GRIK1: variants seen among roughly 807,000 people sequenced by gnomAD.
The protein encoded by GRIK1 is glutamate receptor ionotropic, kainate 1.
Under a neutral mutation model 105.7 loss-of-function variants are expected in GRIK1, and 69 were observed. The observed-to-expected ratio is 0.65, with a 90% CI of 0.54 to 0.80. The LOEUF is 0.80. Ranked by LOEUF, GRIK1 falls within the 30% of genes least tolerant of loss-of-function variation. GRIK1 has a pLI of 0.00. For missense variants in GRIK1, 1,109 were observed against 1,167.3 expected (o/e 0.95, Z 0.73); for synonymous variants, 438 against 431.3 (o/e 1.02, Z -0.19).
At chr21:29,825,349 A>G (rs1458619014) in intron 1 of GRIK1, among the ~76,000 whole-genome samples, 1 of 152,196 alleles carries the variant, frequency 6.6e-6, no homozygotes, top group Non-Finnish European at 1.5e-5. Flanking sequence ...GAAGTTAGTG[A>G]TGATGTAAAG....
At chr21:29,636,324 T>A (rs1358992456) in intron 7 of GRIK1, among the ~76,000 whole-genome samples, 2 of 152,206 alleles carry the variant, frequency 1.3e-5, no homozygotes, top group Non-Finnish European at 2.9e-5. Flanking sequence ...TGTCATTACC[T>A]TAAGTCAACA....
chr21:29,548,384 A>T (rs2090079139), intron 16 of GRIK1, among the ~76,000 whole-genome samples: 1 of 152,266 alleles, frequency 6.6e-6, no homozygotes, highest in Admixed American at 6.5e-5. Flanking sequence ...AGAAAAAGCA[A>T]AAATGATTTT....
chr21:29,939,343 C>G (rs968310429), intron 1 of GRIK1, 40 bp downstream of exon 1: 5 of 1,213,558 alleles, frequency 4.1e-6, no homozygotes, highest in African/African-American at 1.5e-5. Flanking sequence ...GTGCGGCGAC[C>G]GACCACGTCT....
intron 3 of GRIK1, among the ~76,000 whole-genome samples, chr21:29,678,527 T>C (rs2063315542): frequency 6.6e-6 from 1 of 152,178 alleles, no homozygotes; most frequent in Non-Finnish European, 1.5e-5. Context: ...AAAAAGAATA[T>C]GCCTGGCCTG....
chr21:29,691,535 T>G (rs1002936067), intron 2 of GRIK1, among the ~76,000 whole-genome samples: 4 of 152,202 alleles, frequency 2.6e-5, no homozygotes, highest in Non-Finnish European at 5.9e-5. Context: ...TCCGGAAAGG[T>G]TGGGGCAGTT....
At chr21:29,612,353 CT>C (rs750071204) in intron 7 of GRIK1, among the ~76,000 whole-genome samples, 1 of 152,286 alleles carries the variant, frequency 6.6e-6, no homozygotes, top group East Asian at 1.9e-4. Context: ...TCTAGGATTT[CT>C]GTTTTGGATT....
At chr21:29,691,913 A>G (rs921230702) in intron 2 of GRIK1, among the ~76,000 whole-genome samples, 2 of 152,146 alleles carry the variant, frequency 1.3e-5, no homozygotes, top group African/African-American at 4.8e-5. Flanking sequence ...GAAGATGTAC[A>G]GTTTTGTCCA....
chr21:29,893,567 A>G (rs1218550540), intron 1 of GRIK1, among the ~76,000 whole-genome samples: 1 of 152,196 alleles, frequency 6.6e-6, no homozygotes. Context: ...ATATATTTGT[A>G]TGTTTTACCA....
chr21:29,738,910 G>A (rs1487547892), intron 1 of GRIK1, among the ~76,000 whole-genome samples: 1 of 152,180 alleles, frequency 6.6e-6, no homozygotes, highest in Non-Finnish European at 1.5e-5. Flanking sequence ...CTTCAAGTCA[G>A]TACACATTTA....
intron 1 of GRIK1, among the ~76,000 whole-genome samples, chr21:29,740,573 A>G (rs1222836712): frequency 6.6e-6 from 1 of 152,196 alleles, no homozygotes; most frequent in African/African-American, 2.4e-5. Context: ...AATCTTGTTC[A>G]GAGAAATAAG....
chr21:29,771,541 T>A (rs1027506625), intron 1 of GRIK1, among the ~76,000 whole-genome samples: 1 of 152,196 alleles, frequency 6.6e-6, no homozygotes, highest in East Asian at 1.9e-4. Flanking sequence ...GCCAGTGAAA[T>A]GTTATTCTTG....
intron 3 of GRIK1, among the ~76,000 whole-genome samples, chr21:29,673,551 G>A (rs138762708): frequency 0.014 from 2,091 of 152,290 alleles, 46 homozygotes; most frequent in African/African-American, 0.049. Context: ...TTACAAAGCC[G>A]ATAGAATATG....
intron 1 of GRIK1, among the ~76,000 whole-genome samples, chr21:29,780,706 G>A (rs8127783): frequency 0.013 from 1,920 of 152,292 alleles, 42 homozygotes; most frequent in African/African-American, 0.044. Flanking sequence ...ACTTGTTTCT[G>A]ATGATTAGAT....
intron 1 of GRIK1, among the ~76,000 whole-genome samples, chr21:29,734,912 G>T (rs1183375856): frequency 6.6e-6 from 1 of 151,938 alleles, no homozygotes; most frequent in Non-Finnish European, 1.5e-5. Flanking sequence ...TTGCTTTCTT[G>T]GCCTGGCATG....
intron 1 of GRIK1, among the ~76,000 whole-genome samples, chr21:29,767,863 C>CGT (rs2065711512): frequency 1.1e-5 from 1 of 91,572 alleles, no homozygotes; most frequent in East Asian, 3.1e-4. Context: ...AGCTGAAATT[C>CGT]ATGTGTGTGT....
rs185083460 is a variant in GRIK1 at position 29,561,303 on chromosome 21, T to C, written c.2356+321A>G. ...ACATTATATAGGCATATATGGGTAT[T>C]GAAGGAAACAATGTGAAGAGGATTA... On this transcript the variant is annotated intron_variant, in intron 15 of 17. Transcript: ENST00000327783. Among the ~76,000 whole-genome samples the C allele has an allele frequency of 3.2e-4, 48 of 152,352 alleles. No homozygotes were observed. The Middle Eastern group carries it at 0.01, about 32-fold the overall frequency.
intron 1 of GRIK1, among the ~76,000 whole-genome samples, chr21:29,858,332 T>A (rs928926366): frequency 1.3e-5 from 2 of 152,188 alleles, no homozygotes; most frequent in African/African-American, 4.8e-5. Context: ...CGTTTGCCCA[T>A]GAAACCCAGT....
At chr21:29,729,359 C>A (rs928023838) in intron 1 of GRIK1, among the ~76,000 whole-genome samples, 6 of 152,104 alleles carry the variant, frequency 3.9e-5, no homozygotes, top group African/African-American at 1.2e-4. Flanking sequence ...CAGTGGCACC[C>A]TTTGGAAGCC....
rs748938591 is a variant in GRIK1 at position 29,588,865 on chromosome 21, C to T, written c.1543G>A (p.Gly515Arg). 4.4e-6 allele frequency: 7 copies of T among 1,601,332 alleles called. No homozygotes were observed. Among genetic ancestry groups the T allele is most frequent in the Middle Eastern group, 1.7e-4 (1 of 6,048 alleles). ...GAQNDKGEWN[G>R]MVKELIDHRA... The stretch of plus-strand genomic sequence containing the variant: ...TGATCTATGAGTTCTTTAACCATCC[C>T]GTTCCACTCCCCTTTGTCATTCTGG... The change falls in exon 11 of 18, where the codon GGG becomes AGG. Residue 515 changes from glycine to arginine, a missense_variant. This residue lies in a region of GRIK1 where 54 missense variants were observed against 88.1 expected (regional missense o/e 0.61). Transcript: ENST00000327783.
Sources: gnomAD v4.1 joint callset for allele counts (sites outside exome capture counted in the v4.1 genomes callset) on GRCh38, gnomAD v4.1.1 for gene constraint, gnomAD v4.1.1 regional missense constraint, MANE v1.5 for transcripts, NCBI Gene and HGNC (gene_info 2026-07-23, HGNC 2026-07-21) for gene names.